Variants in PKN2 observed in about 807,000 individuals in gnomAD.
PKN2 encodes the protein serine/threonine-protein kinase N2.
Under a neutral mutation model 119.1 loss-of-function variants are expected in PKN2, and 38 were observed. That is an observed-to-expected ratio of 0.32 (90% CI 0.25 to 0.42). The LOEUF (loss-of-function observed/expected upper bound fraction) is 0.42. Among genes scored for constraint, PKN2 ranks in the 10% least tolerant of loss-of-function variants. PKN2 has a pLI of 1.00. For synonymous variants in PKN2, 390 were observed against 384.9 expected (o/e 1.01, Z -0.15); for missense variants, 850 against 1,165.1 (o/e 0.73, Z 3.94).
intron 15 of PKN2, among the ~76,000 whole-genome samples, chr1:88,808,154 T>A (rs192577695): frequency 1.8e-3 from 275 of 152,322 alleles, no homozygotes; most frequent in Non-Finnish European, 3.2e-3. Context: ...AATCTACAGT[T>A]AATGGAATGG....
At chr1:88,693,766 A>C (rs1666419593) in intron 1 of PKN2, among the ~76,000 whole-genome samples, 1 of 152,188 alleles carries the variant, frequency 6.6e-6, no homozygotes, top group African/African-American at 2.4e-5. Flanking sequence ...AAAGGACCTG[A>C]AGCACATTGT....
At chr1:88,698,210 A>G (rs1557546443) in intron 1 of PKN2, among the ~76,000 whole-genome samples, 1 of 152,114 alleles carries the variant, frequency 6.6e-6, no homozygotes, top group Non-Finnish European at 1.5e-5. Flanking sequence ...AAGGCTAGCC[A>G]TATAAACTAG....
intron 1 of PKN2, among the ~76,000 whole-genome samples, chr1:88,703,827 T>C (rs1666865886): frequency 6.6e-6 from 1 of 152,156 alleles, no homozygotes; most frequent in African/African-American, 2.4e-5. Context: ...TGATTTACTA[T>C]CATTAAGTAG....
At chr1:88,770,521 C>A in intron 4 of PKN2, 52 bp downstream of exon 4, 1 of 940,420 alleles carries the variant, frequency 1.1e-6, no homozygotes, top group Non-Finnish European at 1.8e-6. Flanking sequence ...GCTAAATAAT[C>A]TTATGCAGGA....
chr1:88,748,438 CTGAG>C (rs1415912318), intron 2 of PKN2, among the ~76,000 whole-genome samples: 3 of 151,936 alleles, frequency 2.0e-5, no homozygotes, highest in Non-Finnish European at 4.4e-5. Context: ...TTTTTTATTC[CTGAG>C]TAATAGTTGA....
chr1:88,743,151 C>G (rs1001525957), intron 2 of PKN2, among the ~76,000 whole-genome samples: 3 of 152,220 alleles, frequency 2.0e-5, no homozygotes, highest in Admixed American at 2.0e-4. Context: ...GATCGTGCCA[C>G]TGCCCTCCAG....
intron 6 of PKN2, among the ~76,000 whole-genome samples, chr1:88,780,840 CAA>C (rs1438762355): frequency 6.6e-6 from 1 of 152,048 alleles, no homozygotes; most frequent in Admixed American, 6.6e-5. Context: ...TTTTGAATAA[CAA>C]TATTTCTAGA....
In PKN2 at chr1:88,804,447, A is replaced by G; in HGVS notation, c.1338A>G (p.Val446=). 1 of 1,613,680 alleles carries G rather than the reference A, an allele frequency of 6.2e-7. No homozygotes were observed. The highest frequency in any genetic ancestry group is 1.1e-5 in the South Asian group (1 of 91,068). ...YWRDWRSLCA[V]KFLRLEDFLD... Reference sequence around the variant, plus strand: ...GTGATTGGCGGTCTCTGTGTGCTGTAAAATTTCTGAGGTTAGAAGATTTTT... The same window carrying G: ...GTGATTGGCGGTCTCTGTGTGCTGTGAAATTTCTGAGGTTAGAAGATTTTT... The change falls in exon 9 of 22, where the codon GTA becomes GTG. Residue 446 remains valine (V), a synonymous_variant. Transcript: ENST00000370521.
intron 1 of PKN2, among the ~76,000 whole-genome samples, chr1:88,698,125 GT>G (rs1173566845): frequency 6.6e-6 from 1 of 152,162 alleles, no homozygotes; most frequent in African/African-American, 2.4e-5. Flanking sequence ...CTTAGAAGTA[GT>G]CTCAGAAACA....
chr1:88,771,947 G>A (rs1340477247), intron 6 of PKN2, 68 bp downstream of exon 6: 6 of 1,035,606 alleles, frequency 5.8e-6, no homozygotes, highest in Non-Finnish European at 8.8e-6. Context: ...TTTAATAATT[G>A]AAAGAAAAAC....
chr1:88,695,095 C>T (rs566586813), intron 1 of PKN2, among the ~76,000 whole-genome samples: 2 of 151,962 alleles, frequency 1.3e-5, no homozygotes, highest in South Asian at 4.2e-4. Flanking sequence ...CCACTGCACT[C>T]CAGCCTGGGC....
chr1:88,829,176 G>A (rs1218806849), intron 19 of PKN2: 5 of 738,720 alleles, frequency 6.8e-6, no homozygotes, highest in Admixed American at 1.7e-5. Flanking sequence ...GATATCATCC[G>A]ATGGCCATGA....
At chr1:88,761,128 T>G (rs112712667) in intron 3 of PKN2, among the ~76,000 whole-genome samples, 1 of 152,074 alleles carries the variant, frequency 6.6e-6, no homozygotes, top group Non-Finnish European at 1.5e-5. Context: ...GGAGCAATTC[T>G]TAGTAATAAG....
intron 6 of PKN2, among the ~76,000 whole-genome samples, chr1:88,772,698 A>G (rs1014893847): frequency 1.1e-4 from 17 of 152,200 alleles, no homozygotes; most frequent in African/African-American, 2.2e-4. Context: ...TCCTAGGAAT[A>G]TAATTGCTAG....
rs1265040340 is a variant in PKN2, at chr1:88,807,574, T to G, written c.1980T>G (p.Cys660Trp). ...FQFNLQDFRC[C>W]AVLGRGHFGK... ...TTAATCTACAAGATTTCAGGTGTTG[T>G]GCTGTCTTGGGAAGAGGACATTTTG... Residue 660 changes from cysteine (C) to tryptophan (W), a missense_variant, in exon 14 of 22, where the codon TGT (cysteine) becomes TGG (tryptophan). By Grantham distance (215) the Cys-to-Trp change is radical (BLOSUM62 -2). This residue lies in a region of PKN2 where 216 missense variants were observed against 252.8 expected (regional missense o/e 0.85). Transcript: ENST00000370521. The G allele has an allele frequency of 3.1e-6, 5 of 1,612,798 alleles. No homozygotes were observed. Among genetic ancestry groups the G allele is most frequent in the Non-Finnish European group, 4.2e-6 (5 of 1,179,118 alleles).
intron 1 of PKN2, among the ~76,000 whole-genome samples, chr1:88,729,854 A>G (rs999383981): frequency 5.3e-5 from 8 of 150,918 alleles, no homozygotes; most frequent in African/African-American, 2.0e-4. Context: ...AGGTCAGACT[A>G]TATCATTTCT....
At chr1:88,775,935 C>T (rs920734705) in intron 6 of PKN2, among the ~76,000 whole-genome samples, 1 of 151,926 alleles carries the variant, frequency 6.6e-6, no homozygotes, top group African/African-American at 2.4e-5. Flanking sequence ...GAAACCTCAT[C>T]TCTACTAAAA....
chr1:88,803,157 A>C (rs1219034109), intron 8 of PKN2, among the ~76,000 whole-genome samples: 1 of 152,188 alleles, frequency 6.6e-6, no homozygotes, highest in Non-Finnish European at 1.5e-5. Flanking sequence ...ATGAGGTGGA[A>C]GGCCCTGAGA....
chr1:88,713,861 T>C (rs910223830), intron 1 of PKN2, among the ~76,000 whole-genome samples: 7 of 152,234 alleles, frequency 4.6e-5, no homozygotes, highest in African/African-American at 1.7e-4. Flanking sequence ...CCCATGCCTA[T>C]GTCCTGAATG....
Sources: allele counts gnomAD v4.1 joint callset (sites outside exome capture counted in the v4.1 genomes callset), GRCh38; gene constraint gnomAD v4.1.1; regional missense constraint gnomAD v4.1.1; transcripts MANE v1.5; gene names NCBI Gene and HGNC (gene_info 2026-07-23, HGNC 2026-07-21).